Variants in NCOR1 observed in about 807,000 individuals in gnomAD.
NCOR1 encodes the protein nuclear receptor corepressor 1.
A neutral mutation model predicts 288.1 loss-of-function variants in NCOR1; 63 were observed. The observed-to-expected ratio is 0.22, with a 90% confidence interval of 0.18 to 0.27. The LOEUF is 0.27. NCOR1 is among the 10% of genes least tolerant of loss of function. The pLI, the probability that NCOR1 is intolerant of heterozygous loss-of-function variation, is 1.00. For synonymous variants in NCOR1, 1,007 were observed against 1,065.9 expected (o/e 0.94, Z 1.08); for missense variants, 2,397 against 3,019.2 (o/e 0.79, Z 4.83).
At chr17:16,156,514 G>A (rs2079832969) in intron 6 of NCOR1, among the ~76,000 whole-genome samples, 1 of 148,912 alleles carries the variant, frequency 6.7e-6, no homozygotes, top group African/African-American at 2.5e-5. Context: ...AGGAGGAGGG[G>A]GAGAAAAGAA....
chr17:16,144,049 G>A (rs2077511317), intron 10 of NCOR1, among the ~76,000 whole-genome samples: 2 of 152,078 alleles, frequency 1.3e-5, no homozygotes, highest in South Asian at 4.1e-4. Context: ...TAAAAGGAGA[G>A]AAAAAACTCA....
intron 1 of NCOR1, among the ~76,000 whole-genome samples, chr17:16,215,065 C>A (rs113219933): frequency 5.3e-5 from 8 of 152,352 alleles, no homozygotes; most frequent in African/African-American, 1.9e-4. Flanking sequence ...AGGCTCCGCA[C>A]GCCCCTCCGC....
At chr17:16,081,174 TTTTTC>T (rs201790466) in intron 23 of NCOR1, among the ~76,000 whole-genome samples, 4,628 of 150,350 alleles carry the variant, frequency 0.031, 233 homozygotes, top group African/African-American at 0.1. Flanking sequence ...TCAACCTTTT[TTTTTC>T]TTTTCTTTTC....
At chr17:16,186,218 C>G (rs1294086808) in intron 3 of NCOR1, among the ~76,000 whole-genome samples, 1 of 152,132 alleles carries the variant, frequency 6.6e-6, no homozygotes, top group South Asian at 2.1e-4. Flanking sequence ...AAAGCCTGGG[C>G]CCAACTCCAG....
intron 22 of NCOR1, 169 bp downstream of exon 22, chr17:16,091,694 C>T (rs760620765): frequency 5.6e-6 from 8 of 1,433,768 alleles, no homozygotes; most frequent in Non-Finnish European, 7.3e-6. Flanking sequence ...GTTAATAATA[C>T]TAACATTTCT....
intron 23 of NCOR1, chr17:16,084,308 C>T (rs1191458022): frequency 2.0e-5 from 3 of 152,198 alleles, no homozygotes; most frequent in Non-Finnish European, 2.9e-5. Context: ...TCGTGCGTAG[C>T]TGCTAATAGC....
intron 40 of NCOR1, among the ~76,000 whole-genome samples, chr17:16,055,280 C>G (rs1294919674): frequency 6.6e-6 from 1 of 152,192 alleles, no homozygotes; most frequent in Non-Finnish European, 1.5e-5. Flanking sequence ...AACCCAAATG[C>G]CCATCAGTGA....
At chr17:16,095,382 C>T (rs1214210672) in intron 21 of NCOR1, among the ~76,000 whole-genome samples, 8 of 148,188 alleles carry the variant, frequency 5.4e-5, no homozygotes, top group South Asian at 4.2e-4. Context: ...CCACCCCGCC[C>T]GGGAGGGAGG....
At chr17:16,155,113 A>G (rs553149061) in intron 6 of NCOR1, among the ~76,000 whole-genome samples, 3 of 152,320 alleles carry the variant, frequency 2.0e-5, no homozygotes, top group African/African-American at 7.2e-5. Flanking sequence ...ACACTTTGGG[A>G]GGCCTAGGTA....
chr17:16,042,821 C>G (rs772554079), intron 42 of NCOR1, among the ~76,000 whole-genome samples: 1 of 151,970 alleles, frequency 6.6e-6, no homozygotes, highest in Non-Finnish European at 1.5e-5. Flanking sequence ...ATTTAAGGAG[C>G]CAGTAAGTTA....
intron 20 of NCOR1, 28 bp downstream of exon 20, chr17:16,101,222 C>G (rs745440173): frequency 7.8e-6 from 12 of 1,545,508 alleles, no homozygotes; most frequent in Non-Finnish European, 1.0e-5. Flanking sequence ...AGAGTAAGCA[C>G]GGGGAGGACT....
chr17:16,161,173 C>T (rs2080766794), intron 5 of NCOR1, among the ~76,000 whole-genome samples: 1 of 150,618 alleles, frequency 6.6e-6, no homozygotes, highest in African/African-American at 2.4e-5. Flanking sequence ...TTCTTAGTAC[C>T]CAAATAGCCC....
intron 11 of NCOR1, among the ~76,000 whole-genome samples, chr17:16,142,595 C>T (rs779579163): frequency 1.4e-4 from 21 of 152,212 alleles, no homozygotes; most frequent in African/African-American, 5.1e-4. Context: ...CAATTAAACA[C>T]TAGGCAACAG....
chr17:16,136,017 T>C (rs959467878), intron 14 of NCOR1, among the ~76,000 whole-genome samples: 14 of 152,192 alleles, frequency 9.2e-5, no homozygotes, highest in Non-Finnish European at 4.4e-5. Flanking sequence ...GCCTCCATAT[T>C]AACTGTGGTG....
At chr17:16,108,559 T>A (rs1322170859) in intron 19 of NCOR1, among the ~76,000 whole-genome samples, 1 of 152,190 alleles carries the variant, frequency 6.6e-6, no homozygotes, top group East Asian at 1.9e-4. Context: ...GCACTTGATG[T>A]CTGAAGCAGG....
intron 22 of NCOR1, among the ~76,000 whole-genome samples, chr17:16,088,060 T>TA (rs1297378873): frequency 6.6e-6 from 1 of 152,176 alleles, no homozygotes; most frequent in Admixed American, 6.5e-5. Context: ...CCTGACCACT[T>TA]AGATTTGTAG....
chr17:16,184,988 C>T (rs1344682853), intron 3 of NCOR1, among the ~76,000 whole-genome samples: 3 of 118,888 alleles, frequency 2.5e-5, no homozygotes, highest in Admixed American at 1.1e-4. Flanking sequence ...CATGATTTCG[C>T]TTATATGTGG....
intron 44 of NCOR1, chr17:16,039,224 G>T (rs2151975547): frequency 1.8e-6 from 1 of 564,154 alleles, no homozygotes. Flanking sequence ...TGACACTTTG[G>T]GTAAAAATTT....
intron 44 of NCOR1, among the ~76,000 whole-genome samples, chr17:16,036,050 C>T (rs1334055236): frequency 1.3e-5 from 2 of 152,292 alleles, no homozygotes; most frequent in Middle Eastern, 3.4e-3. Context: ...TTGCTCAGAT[C>T]CGTCAGAGGA....
Sources: allele counts gnomAD v4.1 joint callset (sites outside exome capture counted in the v4.1 genomes callset), GRCh38; gene constraint gnomAD v4.1.1; transcripts MANE v1.5; gene names NCBI Gene and HGNC (gene_info 2026-07-23, HGNC 2026-07-21).